Variants in EVC observed in about 807,000 individuals in gnomAD.
EVC encodes the protein evC complex member EVC.
In EVC, 116 loss-of-function variants were observed where a neutral mutation model predicts 118.9. The observed-to-expected ratio is 0.98, with a 90% CI of 0.84 to 1.14. The LOEUF (loss-of-function observed/expected upper bound fraction) is 1.14, where lower values mean the gene tolerates loss of function less well. EVC is among the 50% of genes most tolerant of loss of function. The pLI is 0.00. For missense variants in EVC, 1,401 were observed against 1,246.4 expected, an observed-to-expected ratio of 1.12 and a Z score of -1.87; for synonymous variants, 619 against 534.7, an observed-to-expected ratio of 1.16 and a Z score of -2.18.
intron 17 of EVC, 42 bp from the exon 18 acceptor site, chr4:5,808,159 C>G (rs1560445044): frequency 4.7e-6 from 6 of 1,265,764 alleles, no homozygotes; most frequent in Admixed American, 4.0e-5. Flanking sequence ...CCCTCCCTCC[C>G]TTCCTTCCTC....
At chr4:5,783,849 C>CTACAATAGG in intron 12 of EVC, 85 bp downstream of exon 12, 2 of 1,241,904 alleles carry the variant, frequency 1.6e-6, no homozygotes, top group Non-Finnish European at 2.3e-6. Flanking sequence ...TCCTGAACAC[C>CTACAATAGG]CACTAGTGCC....
At position 5,731,009 on chromosome 4, in the gene EVC, C is replaced by A. The variant is rs1012097888; in HGVS notation, c.385-416C>A. On this transcript the variant is annotated intron_variant, in intron 3 of 20. Coordinates refer to ENST00000264956, the MANE Select transcript of EVC (RefSeq NM_153717.3). The surrounding 1 kb of genome is among the most constrained non-coding windows in gnomAD (Gnocchi z 5.6). ...GAGGGTGACTCCTGCTCTGTGCAGG[C>A]GAAGGACAGGTGGTTGGCAGGATTC... Among the ~76,000 whole-genome samples the A allele has an allele frequency of 6.6e-6, 1 of 151,746 alleles. No homozygotes were observed. The highest frequency in any genetic ancestry group is 2.1e-4 in the South Asian group (1 of 4,772).
chr4:5,714,683 C>A (rs559810260), intron 1 of EVC, among the ~76,000 whole-genome samples: 4 of 152,314 alleles, frequency 2.6e-5, no homozygotes, highest in South Asian at 4.2e-4. Flanking sequence ...TCCATTATTA[C>A]AATTCTACAA....
rs1461904922 is a variant in EVC at position 5,749,326 on chromosome 4, G to A, written c.1098+1020G>A. ...ACACATAAAATACATTAACACTAAC[G>A]ATAGCTGATGAGCGGAAAAAAAAAA... On this transcript the variant is annotated intron_variant, in intron 8 of 20. Coordinates refer to ENST00000264956, the MANE Select transcript of EVC (RefSeq NM_153717.3). The surrounding 1 kb of genome is among the most constrained non-coding windows in gnomAD (Gnocchi z 4.4). Among the ~76,000 whole-genome samples, 3 of 134,862 alleles carry A rather than the reference G, an allele frequency of 2.2e-5. No individual in the cohort carries two copies. Among genetic ancestry groups the A allele is most frequent in the Admixed American group, 7.9e-5 (1 of 12,712 alleles). The allele number at this position is 134,862 out of a possible 152,430, so 88.5% of individuals were successfully genotyped here.
At position 5,755,999 on chromosome 4, in the gene EVC, A is replaced by G. The variant is rs1043895399; in HGVS notation, c.1465-265A>G. ...GCTGCAGCCAGGACAGAGGAGTGAC[A>G]GAAGTGGTCCAGTGGCCCCTCCTCA... On this transcript the variant is annotated intron_variant, in intron 10 of 20. Coordinates refer to ENST00000264956, the MANE Select transcript of EVC (RefSeq NM_153717.3). The surrounding 1 kb of genome is among the most constrained non-coding windows in gnomAD (Gnocchi z 4.1). Among the ~76,000 whole-genome samples the G allele has an allele frequency of 3.3e-5, 5 of 152,198 alleles. No individual in the cohort carries two copies. Among genetic ancestry groups the G allele is most frequent in the Non-Finnish European group, 7.3e-5 (5 of 68,030 alleles).
At chr4:5,757,605 G>A (rs115807587) in intron 11 of EVC, among the ~76,000 whole-genome samples, 2 of 152,202 alleles carry the variant, frequency 1.3e-5, no homozygotes, top group Non-Finnish European at 2.9e-5. Flanking sequence ...CTGCCTTCCC[G>A]TTGCCTCCTC....
chr4:5,748,172 G>A lies in EVC; in HGVS notation c.964G>A (p.Ala322Thr). The change falls in exon 8 of 21, where the codon GCA becomes ACA. Residue 322 changes from alanine to threonine, a missense_variant. Coordinates refer to ENST00000264956, the MANE Select transcript of EVC (RefSeq NM_153717.3). ...DNMEAFWKQM[A>T]NIQHFLVDQF... ...GATGGAAGCTTTCTGGAAACAGATG[G>A]CAAATATCCAGCACTTTCTTGTGGA... 2 of 1,614,140 alleles carry A rather than the reference G, an allele frequency of 1.2e-6. No individual in the cohort carries two copies. The highest frequency in any genetic ancestry group is 8.5e-7 in the Non-Finnish European group (1 of 1,180,024).
chr4:5,760,656 G>A (rs1731864953), intron 11 of EVC, among the ~76,000 whole-genome samples: 2 of 152,156 alleles, frequency 1.3e-5, no homozygotes, highest in South Asian at 4.1e-4. Flanking sequence ...GGGTTCCAGA[G>A]ATTCTTCTGC....
chr4:5,741,132 T>G (rs1355367412), intron 5 of EVC, among the ~76,000 whole-genome samples: 1 of 152,224 alleles, frequency 6.6e-6, no homozygotes, highest in Non-Finnish European at 1.5e-5. Context: ...TTCACACAAA[T>G]GTTCACAGCA....
chr4:5,734,744 C>G (rs1337032686), intron 5 of EVC, among the ~76,000 whole-genome samples: 1 of 152,202 alleles, frequency 6.6e-6, no homozygotes, highest in Non-Finnish European at 1.5e-5. Context: ...GCCTCATAAA[C>G]GGGTGCCAAT....
the EVC span, among the ~76,000 whole-genome samples, chr4:5,822,703 A>G: frequency 2.6e-5 from 4 of 152,160 alleles, no homozygotes; most frequent in Non-Finnish European, 4.4e-5. Flanking sequence ...CAGGGAGGGG[A>G]AGTTGAGCCG....
rs1728785643 is a variant in EVC at position 5,742,636 on chromosome 4, GTCC to G, written c.801+825_801+827del. On this transcript the variant is annotated intron_variant, in intron 6 of 20. Transcript: ENST00000264956. The surrounding 1 kb of genome is among the most constrained non-coding windows in gnomAD (Gnocchi z 5.2). ...TCACCAACACCATCACCATCCTCAT[GTCC>G]TCATTACCATCATCATGAGCATCAT... Among the ~76,000 whole-genome samples the G allele has an allele frequency of 6.6e-6, 1 of 151,978 alleles. No individual in the cohort carries two copies. Among genetic ancestry groups the G allele is most frequent in the Non-Finnish European group, 1.5e-5 (1 of 67,990 alleles).
chr4:5,715,082 A>G (rs1180970261), intron 1 of EVC, among the ~76,000 whole-genome samples: 2 of 152,042 alleles, frequency 1.3e-5, no homozygotes, highest in African/African-American at 4.8e-5. Context: ...CCAAAGTGCC[A>G]AGATCACAGG....
rs190009163 is a variant in EVC, at chr4:5,719,648, G to A, written c.300+275G>A. ...TAGTGCCCCTTTCTGGTCACTTCCC[G>A]CCCCCACACACTTCCAGAGGTGCCC... On this transcript the variant is annotated intron_variant, in intron 2 of 20. Coordinates refer to ENST00000264956, the MANE Select transcript of EVC (RefSeq NM_153717.3). This position sits in a 1 kb window ranked among gnomAD's most constrained non-coding sequence, Gnocchi z 4.7. Among the ~76,000 whole-genome samples, 257 of 152,094 alleles carry A rather than the reference G, an allele frequency of 1.7e-3. 2 individuals carry two copies. Among genetic ancestry groups the A allele is most frequent in the African/African-American group, 5.5e-3 (228 of 41,490 alleles).
chr4:5,761,362 G>C (rs1731977502), intron 11 of EVC, among the ~76,000 whole-genome samples: 2 of 151,988 alleles, frequency 1.3e-5, no homozygotes, highest in Non-Finnish European at 1.5e-5. Flanking sequence ...GACTGAAGCA[G>C]GTGTCACAAT....
chr4:5,753,980 G>T, intron 10 of EVC, 47 bp downstream of exon 10: 1 of 1,611,380 alleles, frequency 6.2e-7, no homozygotes, highest in Non-Finnish European at 8.5e-7. Context: ...GCCAGTTGTA[G>T]CTCTGTTCCC....
chr4:5,735,899 G>A (rs1279206516), intron 5 of EVC, among the ~76,000 whole-genome samples: 2 of 152,164 alleles, frequency 1.3e-5, no homozygotes, highest in Admixed American at 6.5e-5. Context: ...CTCTATCGTC[G>A]TGTGCTGGGA....
the EVC span, among the ~76,000 whole-genome samples, chr4:5,823,075 T>C: frequency 6.6e-6 from 1 of 152,212 alleles, no homozygotes; most frequent in Non-Finnish European, 1.5e-5. Context: ...TGGCCCCAGG[T>C]AGTTGTCACC....
intron 1 of EVC, among the ~76,000 whole-genome samples, chr4:5,713,224 A>G (rs1373182997): frequency 6.6e-6 from 1 of 152,204 alleles, no homozygotes; most frequent in African/African-American, 2.4e-5. Context: ...TAGGACTAAT[A>G]GGATTTTGTT....
Sources: allele counts gnomAD v4.1 joint callset (sites outside exome capture counted in the v4.1 genomes callset), GRCh38; gene constraint gnomAD v4.1.1; non-coding constraint Gnocchi (gnomAD v3.1); transcripts MANE v1.5; gene names NCBI Gene and HGNC (gene_info 2026-07-23, HGNC 2026-07-21).